The following OC90 variants were observed in gnomAD, a reference collection of about 807,000 sequenced individuals.
OC90 encodes the protein otoconin-90.
In OC90, 46 loss-of-function variants were observed where a neutral mutation model predicts 47.3. That is an observed-to-expected ratio of 0.97 (90% CI 0.77 to 1.24). OC90 has a LOEUF of 1.24. OC90 is among the 50% of genes most tolerant of loss of function. The probability of loss-of-function intolerance (pLI) is 0.00; values close to 1 mark genes in which losing one functional copy is unlikely to be tolerated. For missense variants in OC90, 688 were observed against 583.9 expected, an observed-to-expected ratio of 1.18 and a Z score of -1.84; for synonymous variants, 271 against 219.5, an observed-to-expected ratio of 1.23 and a Z score of -2.07.
At position 132,051,452 on chromosome 8, in the gene OC90, C is replaced by A. The variant is rs544181718; in HGVS notation, c.46+3529G>T. ...GCTTTGGCATTTATGTGTATCATGGCACAGAAGAAAAAGCATGGGCTTTAG... is the reference window on the plus strand; with the variant it reads ...GCTTTGGCATTTATGTGTATCATGGAACAGAAGAAAAAGCATGGGCTTTAG... On this transcript the variant is annotated intron_variant, in intron 2 of 13. Transcript: ENST00000254627. Among the ~76,000 whole-genome samples the A allele has an allele frequency of 2.6e-5, 4 of 152,298 alleles. No homozygotes were observed. The East Asian group carries it at 7.7e-4, about 29-fold the overall frequency.
chr8:132,024,897 G>A, intron 13 of OC90, 121 bp from the exon 14 acceptor site: 1 of 774,732 alleles, frequency 1.3e-6, no homozygotes, highest in Non-Finnish European at 2.0e-6. Flanking sequence ...CACCTTCAGG[G>A]TATCCACCTT....
At chr8:132,030,986 A>G (rs1586706809) in intron 12 of OC90, among the ~76,000 whole-genome samples, 1 of 152,190 alleles carries the variant, frequency 6.6e-6, no homozygotes, top group South Asian at 2.1e-4. Flanking sequence ...TGCTTTGGCA[A>G]CCATACCATC....
chr8:132,038,874 T>C (rs1823008821), intron 7 of OC90, 43 bp from the exon 8 acceptor site: 6 of 1,609,616 alleles, frequency 3.7e-6, no homozygotes, highest in Non-Finnish European at 4.3e-6. Flanking sequence ...GAGCAGTGGG[T>C]TTGAGGGAGG....
At chr8:132,025,483 G>A (rs73350928) in intron 13 of OC90, among the ~76,000 whole-genome samples, 2,718 of 152,206 alleles carry the variant, frequency 0.018, 71 homozygotes, top group African/African-American at 0.061. Context: ...CCCTAACAGA[G>A]TATGCACAAA....
chr8:132,041,403 T>C, intron 5 of OC90, 122 bp downstream of exon 5: 1 of 835,846 alleles, frequency 1.2e-6, no homozygotes, highest in Non-Finnish European at 1.9e-6. Context: ...GTAGTGGAAT[T>C]AAACCCTCTC....
chr8:132,033,004 C>T, intron 11 of OC90, 35 bp downstream of exon 11: 1 of 1,597,102 alleles, frequency 6.3e-7, no homozygotes, highest in South Asian at 1.1e-5. Flanking sequence ...CAAAAGATCC[C>T]AGCAGCGGAG....
intron 11 of OC90, among the ~76,000 whole-genome samples, chr8:132,032,743 G>A (rs1004032809): frequency 4.6e-5 from 7 of 152,132 alleles, no homozygotes; most frequent in African/African-American, 1.4e-4. Context: ...AATAAAGCAC[G>A]GTGTGGACGA....
At chr8:132,036,929 G>A (rs561619623) in intron 9 of OC90, among the ~76,000 whole-genome samples, 1 of 152,316 alleles carries the variant, frequency 6.6e-6, no homozygotes, top group African/African-American at 2.4e-5. Context: ...AGCCACACCT[G>A]GGAGAAGATA....
At chr8:132,051,356 C>T (rs1190940184) in intron 2 of OC90, among the ~76,000 whole-genome samples, 1 of 152,216 alleles carries the variant, frequency 6.6e-6, no homozygotes, top group Non-Finnish European at 1.5e-5. Flanking sequence ...CAATTCCTGC[C>T]TTCTCTTTAG....
intron 2 of OC90, among the ~76,000 whole-genome samples, chr8:132,051,587 C>A (rs919972205): frequency 1.1e-4 from 17 of 152,198 alleles, no homozygotes; most frequent in Non-Finnish European, 2.4e-4. Flanking sequence ...TAGAATGGGG[C>A]TATTTGTGAG....
chr8:132,041,477 C>T, intron 5 of OC90, 48 bp downstream of exon 5: 1 of 1,547,558 alleles, frequency 6.5e-7, no homozygotes, highest in Non-Finnish European at 8.8e-7. Flanking sequence ...GCCAGGCCTC[C>T]CATGAGCTCA....
chr8:132,042,907 G>A (rs1466624472), intron 4 of OC90, among the ~76,000 whole-genome samples: 1 of 152,170 alleles, frequency 6.6e-6, no homozygotes, highest in Non-Finnish European at 1.5e-5. Context: ...CAGGAATTCC[G>A]CTACTGGAAT....
rs553003331 is a variant in OC90 at position 132,038,478 on chromosome 8, C to T, written c.628+312G>A. On this transcript the variant is annotated intron_variant, in intron 8 of 13. Transcript: ENST00000254627. ...ACTACGTCTTGTCCCAGTCACACTA[C>T]ATACCAGGGCTCTGACTACAGAGTG... is the stretch of plus-strand genomic sequence containing the variant. Among the ~76,000 whole-genome samples, 16 of 152,298 alleles carry T rather than the reference C, an allele frequency of 1.1e-4. 1 individual carries two copies. In the South Asian group the frequency reaches 3.3e-3, roughly 32 times the overall value.
Position 132,045,827 on chromosome 8 carries a change from T to C in OC90, c.103A>G (p.Asn35Asp), listed in dbSNP as rs1363909705. 18 of 1,536,316 alleles carry C rather than the reference T, an allele frequency of 1.2e-5. No individual in the cohort carries two copies. The highest frequency in any genetic ancestry group is 2.0e-5 in the Admixed American group (1 of 50,970). ...TTCTAAGAATCCTTACTGATATTGT[T>C]TGGGAGTCCTGGAGGCAGCTCCTGT... The part of the protein sequence containing the change: ...LPQELPPGLP[N>D]NINITFFSGM... Residue 35 changes from asparagine to aspartate, a missense_variant, in exon 3 of 14, where the codon AAC becomes GAC. Coordinates refer to ENST00000254627, the MANE Select transcript of OC90 (RefSeq NM_001080399.3).
intron 13 of OC90, among the ~76,000 whole-genome samples, chr8:132,025,190 A>G (rs564481879): frequency 1.2e-4 from 19 of 152,328 alleles, no homozygotes; most frequent in Non-Finnish European, 1.5e-5. Context: ...CAGTAGGTAG[A>G]TAGGCAGATA....
rs955668994 is a variant in OC90 at position 132,024,338 on chromosome 8, G to A, written c.*143C>T. ...ACCACAGCTGATGAGGCATGGGCAG[G>A]GCTCACGGCCTCTGTTCCCTCCCCG... is the stretch of plus-strand genomic sequence containing the variant. On this transcript the variant is annotated 3_prime_UTR_variant, in exon 14 of 14. Transcript: ENST00000254627. 1 of 653,770 alleles carries A rather than the reference G, an allele frequency of 1.5e-6. No homozygotes were observed. The highest frequency in any genetic ancestry group is 2.5e-6 in the Non-Finnish European group (1 of 396,432). 40.5% of individuals were successfully genotyped at this position (653,770 alleles called of 1,614,324 possible).
Position 132,048,774 on chromosome 8 carries a change from G to A in OC90, c.47-2891C>T, listed in dbSNP as rs796395985. 4.0e-5 allele frequency among the ~76,000 whole-genome samples: 6 copies of A among 151,656 alleles called. 1 individual carries two copies. The highest frequency in any genetic ancestry group is 1.2e-4 in the African/African-American group (5 of 40,950). Reference sequence around the variant, plus strand: ...GGTTTAGAGAGGTGGCACCTGCCACGGCCACAGAGCACAGCAGGAAAGGGA... The same window carrying A: ...GGTTTAGAGAGGTGGCACCTGCCACAGCCACAGAGCACAGCAGGAAAGGGA... On this transcript the variant is annotated intron_variant, in intron 2 of 13. Coordinates refer to ENST00000254627, the MANE Select transcript of OC90 (RefSeq NM_001080399.3).
chr8:132,041,842 A>G (rs1823059131), intron 4 of OC90, 143 bp from the exon 5 acceptor site: 1 of 523,228 alleles, frequency 1.9e-6, no homozygotes, highest in South Asian at 3.0e-5. Context: ...ACTGTTTTAG[A>G]CTAAGCCATC....
chr8:132,047,449 C>T (rs1461041217), intron 2 of OC90, among the ~76,000 whole-genome samples: 2 of 152,062 alleles, frequency 1.3e-5, no homozygotes, highest in African/African-American at 2.4e-5. Context: ...ACATTTTAAG[C>T]CAACTCACTT....
Sources: allele counts gnomAD v4.1 joint callset (sites outside exome capture counted in the v4.1 genomes callset), GRCh38; gene constraint gnomAD v4.1.1; transcripts MANE v1.5; gene names NCBI Gene and HGNC (gene_info 2026-07-23, HGNC 2026-07-21).